The following RARB variants were observed in gnomAD, a reference collection of about 807,000 sequenced individuals.
The protein encoded by RARB is HBV-activated protein.
RARB carries 17 observed loss-of-function variants against 51.9 expected under a neutral mutation model. The observed-to-expected ratio is 0.33, with a 90% CI of 0.22 to 0.49. The LOEUF (loss-of-function observed/expected upper bound fraction) is 0.49. Ranked by LOEUF, RARB falls within the 20% of genes least tolerant of loss-of-function variation. The pLI, the probability that RARB is intolerant of heterozygous loss-of-function variation, is 0.99. For synonymous variants in RARB, 215 were observed against 195.4 expected, an observed-to-expected ratio of 1.10 and a Z score of -0.84; for missense variants, 369 against 550.8, an observed-to-expected ratio of 0.67 and a Z score of 3.30.
intron 4 of RARB, among the ~76,000 whole-genome samples, chr3:25,157,634 C>T (rs1387333407): frequency 1.3e-5 from 2 of 152,158 alleles, no homozygotes; most frequent in Non-Finnish European, 1.5e-5. Flanking sequence ...TGGCCTCAAG[C>T]GATCTGCCTG....
At position 25,570,528 on chromosome 3, in the gene RARB, C is replaced by T. The variant is rs552240165; in HGVS notation, c.609+610C>T. On this transcript the variant is annotated intron_variant, in intron 4 of 7. Transcript: ENST00000330688. ...TGAATGTTCCCCCTCTGCTTCCCAG[C>T]GTTCCACTAGGAATGGCCTTTCACT... is the stretch of plus-strand genomic sequence containing the variant. 3.9e-5 allele frequency among the ~76,000 whole-genome samples: 6 copies of T among 152,260 alleles called. No homozygotes were observed. In the South Asian group the frequency reaches 6.2e-4, roughly 16 times the overall value.
rs116428565 is a variant in RARB, at chr3:24,964,792, C to T, written c.-379-95333C>T. Reference sequence around the variant, plus strand: ...CAGGCATTCTGCACATGCTTATTGACATCTCCTAAAGGCGATGTCCCCGCT... The same window carrying T: ...CAGGCATTCTGCACATGCTTATTGATATCTCCTAAAGGCGATGTCCCCGCT... On this transcript the variant is annotated intron_variant, in intron 2 of 11. Coordinates refer to the RARB transcript ENST00000383772. Among the ~76,000 whole-genome samples the T allele has an allele frequency of 4.2e-3, 646 of 152,264 alleles. 5 individuals carry two copies. Among genetic ancestry groups the T allele is most frequent in the African/African-American group, 0.015 (609 of 41,562 alleles).
In RARB at chr3:25,594,437, T is replaced by C. The variant is rs1701734331; in HGVS notation, c.992-83T>C. The C allele has an allele frequency of 2.2e-6, 3 of 1,375,536 alleles. No individual in the cohort carries two copies. The African/African-American group carries it at 4.4e-5, about 20-fold the overall frequency. 85.2% of individuals were successfully genotyped at this position (1,375,536 alleles called of 1,614,324 possible). On this transcript the variant is annotated intron_variant, in intron 6 of 7. Transcript: ENST00000330688. Reference sequence around the variant, plus strand: ...TTGAATTACCAAATTAATGAACTCATAACAGTAGGAATAAGGAAACAAGGA... The same window carrying C: ...TTGAATTACCAAATTAATGAACTCACAACAGTAGGAATAAGGAAACAAGGA...
intron 5 of RARB, among the ~76,000 whole-genome samples, chr3:25,384,711 T>C (rs1706743038): frequency 6.6e-6 from 1 of 152,160 alleles, no homozygotes; most frequent in Non-Finnish European, 1.5e-5. Flanking sequence ...TGTGATATAT[T>C]TGGCACCAGT....
chr3:25,086,164 C>G (rs1699100867), intron 3 of RARB, among the ~76,000 whole-genome samples: 1 of 152,146 alleles, frequency 6.6e-6, no homozygotes, highest in Non-Finnish European at 1.5e-5. Flanking sequence ...ATCATATCCA[C>G]TCATATTCTG....
At chr3:25,279,861 T>A (rs185616481) in intron 5 of RARB, among the ~76,000 whole-genome samples, 1 of 152,084 alleles carries the variant, frequency 6.6e-6, no homozygotes, top group African/African-American at 2.4e-5. Flanking sequence ...AGTGGTACTT[T>A]AGGAAAGAGA....
intron 3 of RARB, among the ~76,000 whole-genome samples, chr3:25,102,544 A>T (rs1699423903): frequency 6.6e-6 from 1 of 152,144 alleles, no homozygotes; most frequent in African/African-American, 2.4e-5. Flanking sequence ...TGTCTCAAAA[A>T]AAAATGAAAA....
At chr3:25,041,995 C>A (rs976981128) in intron 2 of RARB, among the ~76,000 whole-genome samples, 1 of 152,100 alleles carries the variant, frequency 6.6e-6, no homozygotes, top group Non-Finnish European at 1.5e-5. Context: ...TGCAAACAAT[C>A]AATGAGAGAA....
intron 5 of RARB, among the ~76,000 whole-genome samples, chr3:25,274,816 C>T (rs887022964): frequency 6.6e-6 from 1 of 151,976 alleles, no homozygotes; most frequent in Admixed American, 6.6e-5. Flanking sequence ...ATACATAAGG[C>T]ATCTTAGGGC....
chr3:25,053,910 T>C (rs1463451644), intron 2 of RARB, among the ~76,000 whole-genome samples: 1 of 152,166 alleles, frequency 6.6e-6, no homozygotes, highest in South Asian at 2.1e-4. Flanking sequence ...TTGAAATGTA[T>C]CTTTGGAAAG....
intron 5 of RARB, among the ~76,000 whole-genome samples, chr3:25,315,807 G>A (rs997283499): frequency 2.0e-5 from 3 of 151,652 alleles, no homozygotes; most frequent in Non-Finnish European, 4.4e-5. Context: ...TTAGTAGAGA[G>A]GGGGTTTCAC....
intron 5 of RARB, among the ~76,000 whole-genome samples, chr3:25,232,296 T>G (rs1403786968): frequency 6.6e-6 from 1 of 152,176 alleles, no homozygotes; most frequent in Non-Finnish European, 1.5e-5. Context: ...CAAAATTGTT[T>G]AACAACTTCA....
intron 5 of RARB, among the ~76,000 whole-genome samples, chr3:25,224,561 A>G (rs774823654): frequency 5.9e-5 from 9 of 152,204 alleles, no homozygotes; most frequent in Non-Finnish European, 1.3e-4. Flanking sequence ...TAAATATTCC[A>G]GAAATTAGGT....
intron 5 of RARB, among the ~76,000 whole-genome samples, chr3:25,216,267 T>A (rs1206016883): frequency 6.6e-6 from 1 of 152,170 alleles, no homozygotes; most frequent in African/African-American, 2.4e-5. Flanking sequence ...TCATTTCTTA[T>A]TTTTTTCATT....
intron 2 of RARB, among the ~76,000 whole-genome samples, chr3:24,883,354 CA>C (rs1295386359): frequency 1.0e-4 from 8 of 80,148 alleles, no homozygotes; most frequent in Non-Finnish European, 1.5e-4. Flanking sequence ...TTTCAACAAT[CA>C]TTGTGTGTGT....
intron 5 of RARB, among the ~76,000 whole-genome samples, chr3:25,246,094 T>C (rs1017351719): frequency 5.3e-5 from 8 of 152,048 alleles, no homozygotes; most frequent in Non-Finnish European, 8.8e-5. Context: ...ATATCCTGTC[T>C]TATGCTTGAT....
chr3:25,073,676 G>A (rs539292814), intron 3 of RARB, among the ~76,000 whole-genome samples: 1 of 152,146 alleles, frequency 6.6e-6, no homozygotes, highest in African/African-American at 2.4e-5. Flanking sequence ...AGTAAATAAT[G>A]TGCGTGTAAT....
At chr3:25,324,649 G>A in intron 5 of RARB, 1 of 172,820 alleles carries the variant, frequency 5.8e-6, no homozygotes, top group Non-Finnish European at 1.3e-5. Flanking sequence ...TCCCTGGAGG[G>A]AAACCCTTTG....
chr3:25,111,008 G>A (rs1052908109), intron 3 of RARB, among the ~76,000 whole-genome samples: 24 of 152,156 alleles, frequency 1.6e-4, no homozygotes, highest in Admixed American at 1.4e-3. Flanking sequence ...TGGGAATAGG[G>A]AGATATTTCT....
Sources: gnomAD v4.1 joint callset for allele counts (sites outside exome capture counted in the v4.1 genomes callset) on GRCh38, gnomAD v4.1.1 for gene constraint, MANE v1.5 for transcripts, NCBI Gene and HGNC (gene_info 2026-07-23, HGNC 2026-07-21) for gene names.